Variants in USP22 observed in about 807,000 individuals in gnomAD.
USP22 encodes the protein ubiquitin specific peptidase 22.
A neutral mutation model predicts 68.1 loss-of-function variants in USP22; 22 were observed. That is an observed-to-expected ratio of 0.32 (90% CI 0.23 to 0.46). The LOEUF is 0.46. USP22 is among the 20% of genes least tolerant of loss of function. The pLI is 1.00. For synonymous variants in USP22, 279 were observed against 274.2 expected (o/e 1.02, Z -0.17); for missense variants, 433 against 695.8 (o/e 0.62, Z 4.25).
At chr17:21,004,707 A>G (rs1913722869) in intron 11 of USP22, among the ~76,000 whole-genome samples, 1 of 151,736 alleles carries the variant, frequency 6.6e-6, no homozygotes, top group South Asian at 2.1e-4. Flanking sequence ...AGAGGCCAAG[A>G]GTGGGGCTGG....
chr17:21,011,130 G>A (rs370199385), intron 8 of USP22, 21 bp downstream of exon 8: 87 of 1,563,062 alleles, frequency 5.6e-5, no homozygotes, highest in African/African-American at 9.5e-5. Context: ...CGCCCCCGCC[G>A]TGTGGGTGCA....
intron 6 of USP22, among the ~76,000 whole-genome samples, chr17:21,013,314 C>T (rs1019808754): frequency 6.6e-6 from 1 of 152,166 alleles, no homozygotes; most frequent in Non-Finnish European, 1.5e-5. Context: ...CCCGGGGAAG[C>T]CCCAGCAACC....
chr17:21,036,614 A>C (rs1172666009), intron 1 of USP22, among the ~76,000 whole-genome samples: 3 of 151,830 alleles, frequency 2.0e-5, no homozygotes, highest in Non-Finnish European at 2.9e-5. Flanking sequence ...AAGTAAGTAG[A>C]TTGTCGACAG....
At chr17:21,016,762 G>A (rs953993941) in intron 5 of USP22, among the ~76,000 whole-genome samples, 9 of 152,222 alleles carry the variant, frequency 5.9e-5, no homozygotes, top group Admixed American at 2.0e-4. Context: ...GCAGCTACCA[G>A]GGTCTGGGGA....
intron 1 of USP22, among the ~76,000 whole-genome samples, chr17:21,034,890 A>C (rs1972334888): frequency 6.6e-6 from 1 of 152,218 alleles, no homozygotes; most frequent in Non-Finnish European, 1.5e-5. Flanking sequence ...AAATCTATCC[A>C]TGAAATTATG....
rs35324126 is a variant in USP22 at position 21,036,030 on chromosome 17, CAA to C, written c.171+6633_171+6634del. Among the ~76,000 whole-genome samples, 394 of 59,526 alleles carry C rather than the reference CAA, an allele frequency of 6.6e-3. 1 individual carries two copies. The highest frequency in any genetic ancestry group is 0.029 in the African/African-American group (326 of 11,170). The allele number at this position is 59,526 out of a possible 152,430, so 39.1% of individuals were successfully genotyped here. A position where few individuals can be genotyped will look rare whatever the true frequency, so the allele number is the denominator to read the frequency against. ...TGGGCGACAGAGCAAGACTCCGTCTCAAAAAAAAAAAAAAAAAAAAAAAAAGG... is the reference window on the plus strand; with the variant it reads ...TGGGCGACAGAGCAAGACTCCGTCTCAAAAAAAAAAAAAAAAAAAAAAAGG... On this transcript the variant is annotated intron_variant, in intron 1 of 12. Coordinates refer to ENST00000261497, the MANE Select transcript of USP22 (RefSeq NM_015276.2).
chr17:21,004,462 C>CTGTCAA, intron 11 of USP22, 111 bp from the exon 12 acceptor site: 1 of 1,356,172 alleles, frequency 7.4e-7, no homozygotes, highest in South Asian at 1.3e-5. Context: ...GCCTGTGGGC[C>CTGTCAA]TGTCAACCCC....
At position 21,042,737 on chromosome 17, in the gene USP22, G is replaced by C; in HGVS notation, c.99C>G (p.Asn33Lys). Residue 33 changes from asparagine to lysine, a missense_variant, in exon 1 of 13, where the codon AAC (asparagine) becomes AAG (lysine). Around this residue, in one of 4 missense-constraint regions of USP22, gnomAD observed 110 missense variants for 89.9 expected, o/e 1.22. Transcript: ENST00000261497. ...AGATGGCCCGCAGGTTCTGCTTCCA[G>C]TTGTCCACCTTGAAGCTGCCCAGGT... ...CSHLGSFKVDNWKQNLRAIYQ... is the reference protein window; with the variant it reads ...CSHLGSFKVDKWKQNLRAIYQ... The C allele has an allele frequency of 6.7e-7, 1 of 1,487,990 alleles. No homozygotes were observed. Among genetic ancestry groups the C allele is most frequent in the South Asian group, 1.3e-5 (1 of 77,900 alleles). 92.2% of individuals were successfully genotyped at this position (1,487,990 alleles called of 1,614,324 possible).
intron 1 of USP22, among the ~76,000 whole-genome samples, chr17:21,029,960 G>A (rs1283660482): frequency 6.6e-6 from 1 of 152,208 alleles, no homozygotes; most frequent in Non-Finnish European, 1.5e-5. Flanking sequence ...TGTAAACCAC[G>A]AAATGTTGCT....
chr17:21,004,410 C>A (rs1200191115), intron 11 of USP22, 59 bp from the exon 12 acceptor site: 29 of 1,594,262 alleles, frequency 1.8e-5, no homozygotes, highest in Non-Finnish European at 2.4e-5. Flanking sequence ...CACTTGAGGT[C>A]ATCACCATCA....
At position 21,042,828 on chromosome 17, in the gene USP22, G is replaced by A; in HGVS notation, c.8C>T (p.Ser3Phe). 4 of 1,386,462 alleles carry A rather than the reference G, an allele frequency of 2.9e-6. No homozygotes were observed. Among genetic ancestry groups the A allele is most frequent in the South Asian group, 1.6e-5 (1 of 63,702 alleles). 85.9% of individuals were successfully genotyped at this position (1,386,462 alleles called of 1,614,324 possible). The change falls in exon 1 of 13, where the codon TCC becomes TTC. Residue 3 changes from serine (S) to phenylalanine (F), a missense_variant. By Grantham distance (155) the Ser-to-Phe change is radical (BLOSUM62 -2). Coordinates refer to ENST00000261497, the MANE Select transcript of USP22 (RefSeq NM_015276.2). MV[S>F]RPEPEGEAMD... ...GGCCTCGCCCTCGGGCTCTGGCCGG[G>A]ACACCATGGGGGGCAAGGCCCGGCC...
At chr17:21,032,806 G>GCA (rs368189191) in intron 1 of USP22, among the ~76,000 whole-genome samples, 12 of 151,550 alleles carry the variant, frequency 7.9e-5, no homozygotes, top group African/African-American at 2.9e-4. Flanking sequence ...GGGCATGGTG[G>GCA]CACACACCTG....
At position 21,011,136 on chromosome 17, in the gene USP22, G is replaced by T; in HGVS notation, c.1103+15C>A. The T allele has an allele frequency of 6.4e-7, 1 of 1,574,240 alleles. No individual in the cohort carries two copies. Among genetic ancestry groups the T allele is most frequent in the Non-Finnish European group, 8.6e-7 (1 of 1,158,158 alleles). On this transcript the variant is annotated intron_variant, in intron 8 of 12. Transcript: ENST00000261497. Reference sequence around the variant, plus strand: ...CAGGAGACACGCCCCCGCCGTGTGGGTGCAGGCCTCTCACCGTCGCAGGCA... The same window carrying T: ...CAGGAGACACGCCCCCGCCGTGTGGTTGCAGGCCTCTCACCGTCGCAGGCA...
intron 8 of USP22, among the ~76,000 whole-genome samples, chr17:21,008,624 A>C (rs1361889477): frequency 1.3e-5 from 2 of 152,126 alleles, no homozygotes; most frequent in Non-Finnish European, 1.5e-5. Flanking sequence ...GTGAGGGAGG[A>C]GGCACTGGAG....
chr17:21,042,566 G>A (rs1230618607), intron 1 of USP22, 99 bp downstream of exon 1: 4 of 1,177,482 alleles, frequency 3.4e-6, no homozygotes, highest in East Asian at 6.4e-5. Context: ...GAAAGGCAAC[G>A]GGGGAAGGGA....
intron 8 of USP22, among the ~76,000 whole-genome samples, chr17:21,009,969 A>T (rs940893283): frequency 1.5e-5 from 2 of 135,392 alleles, no homozygotes; most frequent in African/African-American, 2.6e-5. Flanking sequence ...AAAAAAAAAA[A>T]ATTAAAAAAA....
At chr17:21,020,330 G>C (rs1425058016) in intron 3 of USP22, among the ~76,000 whole-genome samples, 1 of 150,398 alleles carries the variant, frequency 6.6e-6, no homozygotes, top group Non-Finnish European at 1.5e-5. Context: ...CTGCATGTTT[G>C]CTCCTCTCAC....
chr17:21,011,971 A>G (rs1018813419), intron 7 of USP22, among the ~76,000 whole-genome samples: 1 of 152,166 alleles, frequency 6.6e-6, no homozygotes, highest in African/African-American at 2.4e-5. Flanking sequence ...CAAGGCCCCA[A>G]ACGGTCTATG....
intron 3 of USP22, among the ~76,000 whole-genome samples, chr17:21,020,410 CGA>C (rs1199531033): frequency 3.3e-5 from 5 of 152,138 alleles, no homozygotes; most frequent in Non-Finnish European, 7.3e-5. Flanking sequence ...CACACTGGTG[CGA>C]GAGCCGTGAG....
Sources: gnomAD v4.1 joint callset for allele counts (sites outside exome capture counted in the v4.1 genomes callset) on GRCh38, gnomAD v4.1.1 for gene constraint, gnomAD v4.1.1 regional missense constraint, MANE v1.5 for transcripts, NCBI Gene and HGNC (gene_info 2026-07-23, HGNC 2026-07-21) for gene names.